The following PLEKHA2 variants were observed in gnomAD, a reference collection of about 807,000 sequenced individuals.
PLEKHA2 encodes the protein pleckstrin homology domain containing A2, also known as pleckstrin homology domain-containing family A member 2.
Under a neutral mutation model 53.2 loss-of-function variants are expected in PLEKHA2, and 28 were observed. That is an observed-to-expected ratio of 0.53 (90% CI 0.39 to 0.72). The LOEUF (loss-of-function observed/expected upper bound fraction) is 0.72. Ranked by LOEUF, PLEKHA2 falls within the 30% of genes least tolerant of loss-of-function variation. The pLI is 0.00. For missense variants in PLEKHA2, 426 were observed against 537.9 expected (o/e 0.79, Z 2.06); for synonymous variants, 193 against 196.4 (o/e 0.98, Z 0.14).
intron 1 of PLEKHA2, among the ~76,000 whole-genome samples, chr8:38,909,015 C>T (rs1045611546): frequency 1.5e-4 from 23 of 152,110 alleles, no homozygotes; most frequent in African/African-American, 4.6e-4. Flanking sequence ...TGGTGGTGCA[C>T]GCCTGTAGTC....
intron 1 of PLEKHA2, among the ~76,000 whole-genome samples, chr8:38,917,288 C>T (rs62504366): frequency 0.19 from 29,602 of 151,990 alleles, 3,053 homozygotes; most frequent in South Asian, 0.25. Context: ...GATGTGATCC[C>T]GCCTGTCCAT....
rs961812924 is a variant in PLEKHA2, at chr8:38,922,252, C to T, written c.141+4182C>T. On this transcript the variant is annotated intron_variant, in intron 2 of 11. Coordinates refer to ENST00000617275, the MANE Select transcript of PLEKHA2 (RefSeq NM_021623.2). This position sits in a 1 kb window ranked among gnomAD's most constrained non-coding sequence, Gnocchi z 4.0. ...TAAGAAAGAGAAACCTGAGGACTCTCGGGGCTGGGAGGTCCTAGAAGGTAG... is the reference window on the plus strand; with the variant it reads ...TAAGAAAGAGAAACCTGAGGACTCTTGGGGCTGGGAGGTCCTAGAAGGTAG... 2.6e-5 allele frequency among the ~76,000 whole-genome samples: 4 copies of T among 152,120 alleles called. No individual in the cohort carries two copies. The highest frequency in any genetic ancestry group is 9.7e-5 in the African/African-American group (4 of 41,422).
At chr8:38,932,335 G>C (rs892586452) in intron 2 of PLEKHA2, among the ~76,000 whole-genome samples, 4 of 152,192 alleles carry the variant, frequency 2.6e-5, no homozygotes, top group Non-Finnish European at 4.4e-5. Flanking sequence ...AGGAGATTCT[G>C]GTGTGCACCA....
intron 2 of PLEKHA2, among the ~76,000 whole-genome samples, chr8:38,934,947 C>T (rs926531312): frequency 6.6e-6 from 1 of 152,162 alleles, no homozygotes; most frequent in Non-Finnish European, 1.5e-5. Context: ...ACTATAACAG[C>T]TCACACTTGC....
Position 38,969,941 on chromosome 8 carries a change from C to G in PLEKHA2, c.*158C>G, listed in dbSNP as rs79041293. 3.2e-5 allele frequency: 22 copies of G among 697,740 alleles called. No homozygotes were observed. Among genetic ancestry groups the G allele is most frequent in the East Asian group, 1.2e-4 (4 of 34,434 alleles). 43.2% of individuals were successfully genotyped at this position (697,740 alleles called of 1,614,324 possible). A position where few individuals can be genotyped will look rare whatever the true frequency, so the allele number is the denominator to read the frequency against. On this transcript the variant is annotated 3_prime_UTR_variant, in exon 12 of 12. Coordinates refer to ENST00000617275, the MANE Select transcript of PLEKHA2 (RefSeq NM_021623.2). The stretch of plus-strand genomic sequence containing the variant: ...GGAGGGAGGGGCCCATCCAGCTGGG[C>G]TGTGTGTGTGTGTGTGTGTGTGTGT...
chr8:38,936,018 G>A lies in PLEKHA2; in HGVS notation c.166G>A (p.Val56Ile). Residue 56 changes from valine (V) to isoleucine (I), a missense_variant, in exon 3 of 12, where the codon GTT (valine) becomes ATT (isoleucine). Coordinates refer to ENST00000617275, the MANE Select transcript of PLEKHA2 (RefSeq NM_021623.2). ...PQNLAMGAGA[V>I]GALQLTYISK... ...GAATCTGGCAATGGGGGCAGGAGCT[G>A]TTGGAGCTTTGCAGCTGACCTACAT... 6.2e-7 allele frequency: 1 copy of A among 1,613,666 alleles called. No homozygotes were observed. Among genetic ancestry groups the A allele is most frequent in the Non-Finnish European group, 8.5e-7 (1 of 1,179,614 alleles).
chr8:38,916,844 C>T (rs564964224), intron 1 of PLEKHA2, among the ~76,000 whole-genome samples: 1 of 152,292 alleles, frequency 6.6e-6, no homozygotes, highest in Non-Finnish European at 1.5e-5. Flanking sequence ...TGAGGAATCT[C>T]CAAACTGTTC....
chr8:38,952,457 C>G, intron 7 of PLEKHA2, 145 bp downstream of exon 7: 1 of 1,380,658 alleles, frequency 7.2e-7, no homozygotes, highest in Non-Finnish European at 9.8e-7. Context: ...GATTTTGGGA[C>G]TGACCTTTGG....
Position 38,952,625 on chromosome 8 carries a change from T to A in PLEKHA2, c.634-11T>A. ...CTCGCTAATGGTCTGCCTTTTATTT[T>A]TTTATTACAGCGGAAGAGCTGGAAA... On this transcript the variant is annotated splice_polypyrimidine_tract_variant and intron_variant, in intron 7 of 11. Coordinates refer to ENST00000617275, the MANE Select transcript of PLEKHA2 (RefSeq NM_021623.2). 1 of 1,605,254 alleles carries A rather than the reference T, an allele frequency of 6.2e-7. No homozygotes were observed. Among genetic ancestry groups the A allele is most frequent in the Non-Finnish European group, 8.5e-7 (1 of 1,179,418 alleles).
intron 2 of PLEKHA2, among the ~76,000 whole-genome samples, chr8:38,926,364 A>G (rs1241210120): frequency 1.3e-5 from 2 of 151,262 alleles, no homozygotes; most frequent in Non-Finnish European, 2.9e-5. Flanking sequence ...TAAGGGTAAA[A>G]ATATTATTAA....
chr8:38,905,746 G>A (rs539985698), intron 1 of PLEKHA2, among the ~76,000 whole-genome samples: 10 of 148,144 alleles, frequency 6.8e-5, no homozygotes, highest in African/African-American at 2.5e-4. Context: ...GTGCAGTGGC[G>A]CTATCTCGGC....
intron 2 of PLEKHA2, among the ~76,000 whole-genome samples, chr8:38,926,386 T>TG (rs1834289432): frequency 6.6e-6 from 1 of 151,590 alleles, no homozygotes; most frequent in South Asian, 2.1e-4. Context: ...AAGTACTTTT[T>TG]TTTTTTTTTT....
At chr8:38,968,255 T>A (rs902074246) in intron 10 of PLEKHA2, among the ~76,000 whole-genome samples, 2 of 152,198 alleles carry the variant, frequency 1.3e-5, no homozygotes, top group Admixed American at 6.5e-5. Flanking sequence ...CTCATTTTCC[T>A]TTTTTATAAA....
rs114041291 is a variant in PLEKHA2, at chr8:38,904,728, G to A, written c.-24+3283G>A. ...GAAGCTGATGCCTTTCCTCGTGAGAGGAATCCCAGAGTCGCAGCTTTTTCA... is the reference window on the plus strand; with the variant it reads ...GAAGCTGATGCCTTTCCTCGTGAGAAGAATCCCAGAGTCGCAGCTTTTTCA... On this transcript the variant is annotated intron_variant, in intron 1 of 11. Coordinates refer to ENST00000617275, the MANE Select transcript of PLEKHA2 (RefSeq NM_021623.2). 4.3e-3 allele frequency among the ~76,000 whole-genome samples: 658 copies of A among 152,348 alleles called. 8 individuals carry two copies. The highest frequency in any genetic ancestry group is 0.015 in the African/African-American group (614 of 41,576).
At position 38,918,560 on chromosome 8, in the gene PLEKHA2, ATTAT is replaced by A. The variant is rs1564109964; in HGVS notation, c.141+491_141+494del. 7.6e-4 allele frequency among the ~76,000 whole-genome samples: 102 copies of A among 134,830 alleles called. 1 individual carries two copies. Among genetic ancestry groups the A allele is most frequent in the Middle Eastern group, 4.1e-3 (1 of 242 alleles). The allele number at this position is 134,830 out of a possible 152,430, so 88.5% of individuals were successfully genotyped here. A position where few individuals can be genotyped will look rare whatever the true frequency, so the allele number is the denominator to read the frequency against. On this transcript the variant is annotated intron_variant, in intron 2 of 11. Coordinates refer to ENST00000617275, the MANE Select transcript of PLEKHA2 (RefSeq NM_021623.2). ...CCCCATATACACACACCACACACAC[ATTAT>A]ACACACACATGCACACACATGCACA...
chr8:38,954,876 T>C (rs1403568605), intron 9 of PLEKHA2, among the ~76,000 whole-genome samples: 1 of 151,716 alleles, frequency 6.6e-6, no homozygotes, highest in Non-Finnish European at 1.5e-5. Flanking sequence ...TTACTAAAAA[T>C]ACAAAAAATT....
intron 1 of PLEKHA2, among the ~76,000 whole-genome samples, chr8:38,908,124 G>A (rs1035161029): frequency 3.9e-5 from 6 of 152,212 alleles, no homozygotes; most frequent in African/African-American, 1.2e-4. Flanking sequence ...CACTTTTCAA[G>A]GTACAGCTCA....
At chr8:38,905,689 T>A (rs1008512223) in intron 1 of PLEKHA2, among the ~76,000 whole-genome samples, 3 of 146,188 alleles carry the variant, frequency 2.1e-5, no homozygotes, top group Admixed American at 2.0e-4. Flanking sequence ...TTTTTGCTTT[T>A]TTTTTTTTTT....
Position 38,953,305 on chromosome 8 carries a change from A to G in PLEKHA2, c.711A>G (p.Glu237=). The part of the protein sequence containing the change: ...ICYFKCEQDR[E]PLRTIFLKDV... ...TCTGTTCTTTCCACCAGGACCGAGA[A>G]CCACTGCGCACCATATTTCTTAAGG... is the stretch of plus-strand genomic sequence containing the variant. Residue 237 remains glutamate, a synonymous_variant, in exon 9 of 12, where the codon GAA becomes GAG. Transcript: ENST00000617275. 1.2e-6 allele frequency: 2 copies of G among 1,612,828 alleles called. No homozygotes were observed. The highest frequency in any genetic ancestry group is 1.7e-6 in the Non-Finnish European group (2 of 1,178,854).
Sources: gnomAD v4.1 joint callset for allele counts (sites outside exome capture counted in the v4.1 genomes callset) on GRCh38, gnomAD v4.1.1 for gene constraint, Gnocchi (gnomAD v3.1) non-coding constraint, MANE v1.5 for transcripts, NCBI Gene and HGNC (gene_info 2026-07-23, HGNC 2026-07-21) for gene names.